SUCLG2: variants seen among roughly 807,000 people sequenced by gnomAD.
SUCLG2 encodes succinate--CoA ligase [GDP-forming] subunit beta, mitochondrial.
Under a neutral mutation model 47.9 loss-of-function variants are expected in SUCLG2, and 42 were observed. The ratio of observed to expected loss-of-function variants is 0.88; its 90% CI spans 0.69 to 1.14. The LOEUF (loss-of-function observed/expected upper bound fraction) is 1.14, where lower values mean the gene tolerates loss of function less well. Among genes scored for constraint, SUCLG2 ranks in the 50% most tolerant of loss-of-function variants. The pLI, the probability that SUCLG2 is intolerant of heterozygous loss-of-function variation, is 0.00. For missense variants in SUCLG2, 571 were observed against 525.9 expected (o/e 1.09, Z -0.84); for synonymous variants, 195 against 197.3 (o/e 0.99, Z 0.10).
chr3:67,624,212 C>G (rs1700783806), intron 1 of SUCLG2, among the ~76,000 whole-genome samples: 1 of 152,214 alleles, frequency 6.6e-6, no homozygotes, highest in Non-Finnish European at 1.5e-5. Context: ...CTAGCTAACT[C>G]AATCTCACAA....
intron 1 of SUCLG2, among the ~76,000 whole-genome samples, chr3:67,646,805 C>T (rs779351038): frequency 9.9e-5 from 15 of 152,094 alleles, no homozygotes; most frequent in Non-Finnish European, 2.1e-4. Context: ...AGCATTGAAT[C>T]GATGCCAAAG....
intron 2 of SUCLG2, among the ~76,000 whole-genome samples, chr3:67,569,332 C>T (rs963204375): frequency 1.3e-5 from 2 of 152,188 alleles, no homozygotes; most frequent in Non-Finnish European, 2.9e-5. Flanking sequence ...AGACTGTAAC[C>T]TCCAAGCAAA....
intron 9 of SUCLG2, among the ~76,000 whole-genome samples, chr3:67,424,317 C>T (rs879568697): frequency 7.9e-5 from 12 of 152,132 alleles, no homozygotes; most frequent in Admixed American, 5.9e-4. Context: ...TCTCACAAAC[C>T]GGATTATCTT....
At chr3:67,426,106 A>T (rs1161752571) in intron 9 of SUCLG2, among the ~76,000 whole-genome samples, 1 of 152,206 alleles carries the variant, frequency 6.6e-6, no homozygotes, top group Non-Finnish European at 1.5e-5. Flanking sequence ...TCTCTATTCC[A>T]GGAGGTTAGA....
At position 67,568,568 on chromosome 3, in the gene SUCLG2, T is replaced by G. The variant is rs143827924; in HGVS notation, c.227-39382A>C. 7.3e-3 allele frequency among the ~76,000 whole-genome samples: 1,114 copies of G among 152,280 alleles called. 12 individuals are homozygous for G. Among genetic ancestry groups the G allele is most frequent in the African/African-American group, 0.025 (1,055 of 41,556 alleles). On this transcript the variant is annotated intron_variant, in intron 2 of 10. Transcript: ENST00000307227. ...AATCATTAAAATTACCTTCCCTCAT[T>G]CTTCCTAGAGCAGCAAGCTTTTAAA...
intron 7 of SUCLG2, among the ~76,000 whole-genome samples, chr3:67,499,557 G>C (rs924387804): frequency 6.6e-6 from 1 of 152,070 alleles, no homozygotes; most frequent in African/African-American, 2.4e-5. Flanking sequence ...AGACTACAGG[G>C]CACTTTCCTT....
chr3:67,469,783 C>T (rs770214619), intron 9 of SUCLG2, among the ~76,000 whole-genome samples: 28 of 151,924 alleles, frequency 1.8e-4, no homozygotes, highest in Middle Eastern at 6.9e-3. Context: ...CGGTGGCTCA[C>T]GCCTATAATC....
chr3:67,627,506 G>A (rs1347406050), intron 1 of SUCLG2, among the ~76,000 whole-genome samples: 2 of 152,164 alleles, frequency 1.3e-5, no homozygotes, highest in Non-Finnish European at 2.9e-5. Flanking sequence ...TATCAGTGAC[G>A]TGCCAGTTAT....
At chr3:67,574,155 T>C (rs2107242747) in intron 2 of SUCLG2, among the ~76,000 whole-genome samples, 1 of 152,272 alleles carries the variant, frequency 6.6e-6, no homozygotes, top group Non-Finnish European at 1.5e-5. Context: ...TCATCTCTCA[T>C]CTCTGACCTA....
At chr3:67,465,215 C>T (rs980136641) in intron 9 of SUCLG2, among the ~76,000 whole-genome samples, 1 of 152,096 alleles carries the variant, frequency 6.6e-6, no homozygotes, top group Non-Finnish European at 1.5e-5. Flanking sequence ...TTTCATTGTT[C>T]TGGTGCTTAA....
At chr3:67,392,278 C>T (rs1021439814) in intron 10 of SUCLG2, among the ~76,000 whole-genome samples, 4 of 152,178 alleles carry the variant, frequency 2.6e-5, no homozygotes, top group Non-Finnish European at 4.4e-5. Context: ...CCTGCAGAAC[C>T]CCCTTGCTCC....
chr3:67,401,143 C>T (rs939798719), intron 9 of SUCLG2, among the ~76,000 whole-genome samples: 6 of 152,026 alleles, frequency 3.9e-5, no homozygotes, highest in African/African-American at 1.4e-4. Flanking sequence ...TCTTCTTTTT[C>T]TGAAAATATT....
At chr3:67,477,063 T>C (rs1332469530) in intron 9 of SUCLG2, among the ~76,000 whole-genome samples, 2 of 152,100 alleles carry the variant, frequency 1.3e-5, no homozygotes, top group African/African-American at 4.8e-5. Flanking sequence ...TATATGTAAA[T>C]TCTGCTTGTA....
At chr3:67,600,296 T>C (rs1475999656) in intron 2 of SUCLG2, among the ~76,000 whole-genome samples, 3 of 152,242 alleles carry the variant, frequency 2.0e-5, no homozygotes, top group Non-Finnish European at 4.4e-5. Context: ...TTGTTTTGTA[T>C]TTCTTTCATG....
chr3:67,435,581 T>C lies in SUCLG2; in HGVS notation c.1063-34730A>G, dbSNP rs560762067. Among the ~76,000 whole-genome samples, 5 of 152,352 alleles carry C rather than the reference T, an allele frequency of 3.3e-5. No homozygotes were observed. In the East Asian group the frequency reaches 9.6e-4, roughly 29 times the overall value. The stretch of plus-strand genomic sequence containing the variant: ...GGGAGAATGTACATGCATCATCTTA[T>C]GGATTAAAAAGAATACACATTATCT... On this transcript the variant is annotated intron_variant, in intron 9 of 10. Coordinates refer to ENST00000307227, the MANE Select transcript of SUCLG2 (RefSeq NM_003848.4).
chr3:67,396,120 A>G (rs866697006), intron 10 of SUCLG2, among the ~76,000 whole-genome samples: 10 of 152,010 alleles, frequency 6.6e-5, no homozygotes, highest in Non-Finnish European at 7.4e-5. Flanking sequence ...AACTAGAAAA[A>G]CAAGAGCAAA....
intron 9 of SUCLG2, among the ~76,000 whole-genome samples, chr3:67,421,501 A>T (rs1703157645): frequency 6.6e-6 from 1 of 152,180 alleles, no homozygotes; most frequent in Non-Finnish European, 1.5e-5. Flanking sequence ...TTCATCTCTC[A>T]GGACCTCAAT....
intron 9 of SUCLG2, among the ~76,000 whole-genome samples, chr3:67,491,673 A>T (rs976568974): frequency 6.6e-6 from 1 of 152,082 alleles, no homozygotes; most frequent in African/African-American, 2.4e-5. Flanking sequence ...CTATTTCTTG[A>T]TCTGGCTGGA....
intron 6 of SUCLG2, among the ~76,000 whole-genome samples, chr3:67,515,428 A>C (rs1705918757): frequency 6.6e-6 from 1 of 152,234 alleles, no homozygotes; most frequent in South Asian, 2.1e-4. Flanking sequence ...GTTGGGAACA[A>C]ACACTGGTAA....
Sources: allele counts gnomAD v4.1 joint callset (sites outside exome capture counted in the v4.1 genomes callset), GRCh38; gene constraint gnomAD v4.1.1; transcripts MANE v1.5; gene names NCBI Gene and HGNC (gene_info 2026-07-23, HGNC 2026-07-21).